The following NUBP1 variants were observed in gnomAD, a reference collection of about 807,000 sequenced individuals.
NUBP1 encodes cytosolic Fe-S cluster assembly factor NUBP1.
Under a neutral mutation model 41.8 loss-of-function variants are expected in NUBP1, and 46 were observed. The ratio of observed to expected loss-of-function variants is 1.10; its 90% CI spans 0.87 to 1.41. The LOEUF is 1.41. Ranked by LOEUF, NUBP1 falls within the 40% of genes most tolerant of loss-of-function variation. The pLI, the probability that NUBP1 is intolerant of heterozygous loss-of-function variation, is 0.00. For missense variants in NUBP1, 494 were observed against 414.0 expected, an observed-to-expected ratio of 1.19 and a Z score of -1.68; for synonymous variants, 189 against 154.6, an observed-to-expected ratio of 1.22 and a Z score of -1.65.
At position 10,756,511 on chromosome 16, in the gene NUBP1, CT is replaced by C. The variant is rs35641503; in HGVS notation, c.361-167del. Among the ~76,000 whole-genome samples, 180 of 145,868 alleles carry C rather than the reference CT, an allele frequency of 1.2e-3. 1 individual carries two copies. The highest frequency in any genetic ancestry group is 2.0e-3 in the African/African-American group (81 of 40,102). On this transcript the variant is annotated intron_variant, in intron 5 of 10. Transcript: ENST00000283027. Reference sequence around the variant, plus strand: ...CTTTCAAATCCCCCAACATGGTACCCTTTTTTTTTTTTCCAAAAATGATTTA... The same window carrying C: ...CTTTCAAATCCCCCAACATGGTACCCTTTTTTTTTTTCCAAAAATGATTTA...
At chr16:10,763,353 G>C (rs548417649) in intron 9 of NUBP1, among the ~76,000 whole-genome samples, 80 of 152,202 alleles carry the variant, frequency 5.3e-4, no homozygotes, top group African/African-American at 1.6e-3. Flanking sequence ...GAAGTGGTAG[G>C]GGGGTAGGGT....
At chr16:10,763,095 A>T (rs1466417115) in intron 9 of NUBP1, among the ~76,000 whole-genome samples, 3 of 151,862 alleles carry the variant, frequency 2.0e-5, no homozygotes, top group African/African-American at 7.3e-5. Context: ...AGTACAAGTC[A>T]CCTGGAGGAG....
chr16:10,755,837 GTATT>G (rs1357490990), intron 5 of NUBP1, 84 bp downstream of exon 5: 2 of 1,281,180 alleles, frequency 1.6e-6, no homozygotes, highest in African/African-American at 1.5e-5. Flanking sequence ...TGGTCCATAG[GTATT>G]TATTAGGGTA....
chr16:10,768,111 C>T lies in NUBP1; in HGVS notation c.904+79C>T. 7.2e-7 allele frequency: 1 copy of T among 1,385,922 alleles called. No individual in the cohort carries two copies. Among genetic ancestry groups the T allele is most frequent in the East Asian group, 2.3e-5 (1 of 43,586 alleles). 85.9% of individuals were successfully genotyped at this position (1,385,922 alleles called of 1,614,324 possible). A position where few individuals can be genotyped will look rare whatever the true frequency, so the allele number is the denominator to read the frequency against. ...TAAAGGAGCCAGGGGTGTGGAAGGA[C>T]AGGTGGGTGGTGGGGTCTGTGATGA... On this transcript the variant is annotated intron_variant, in intron 10 of 10. Coordinates refer to ENST00000283027, the MANE Select transcript of NUBP1 (RefSeq NM_002484.4). This position sits in a 1 kb window ranked among gnomAD's most constrained non-coding sequence, Gnocchi z 4.3.
Position 10,766,875 on chromosome 16 carries a change from G to C in NUBP1, c.821-1074G>C, listed in dbSNP as rs1248132436. 2.5e-6 allele frequency: 1 copy of C among 398,382 alleles called. No homozygotes were observed. The highest frequency in any genetic ancestry group is 2.1e-5 in the African/African-American group (1 of 48,616). The allele number at this position is 398,382 out of a possible 1,614,324, so 24.7% of individuals were successfully genotyped here. ...ATTTACGGCATACGTCCTATGGAGAGGACATTTCCTGTTATGGCTCAAGTG... is the reference window on the plus strand; with the variant it reads ...ATTTACGGCATACGTCCTATGGAGACGACATTTCCTGTTATGGCTCAAGTG... On this transcript the variant is annotated intron_variant, in intron 9 of 10. Coordinates refer to ENST00000283027, the MANE Select transcript of NUBP1 (RefSeq NM_002484.4). The surrounding 1 kb of genome is among the most constrained non-coding windows in gnomAD (Gnocchi z 4.8).
At chr16:10,751,917 C>G (rs1789176882) in intron 3 of NUBP1, among the ~76,000 whole-genome samples, 1 of 152,174 alleles carries the variant, frequency 6.6e-6, no homozygotes, top group South Asian at 2.1e-4. Context: ...GTTTATGTCC[C>G]AGCTCTGTTC....
Position 10,768,561 on chromosome 16 carries a change from C to T in NUBP1, c.905-486C>T, listed in dbSNP as rs576873261. On this transcript the variant is annotated intron_variant, in intron 10 of 10. Transcript: ENST00000283027. The surrounding 1 kb of genome is among the most constrained non-coding windows in gnomAD (Gnocchi z 4.3). Reference sequence around the variant, plus strand: ...GGCGGAGGCTGCAGTAAGGCGAGATCGCGCCACTGCACTCCAGCCTGGGCA... The same window carrying T: ...GGCGGAGGCTGCAGTAAGGCGAGATTGCGCCACTGCACTCCAGCCTGGGCA... The T allele has an allele frequency of 3.2e-5, 5 of 157,044 alleles. No individual in the cohort carries two copies. Among genetic ancestry groups the T allele is most frequent in the Non-Finnish European group, 5.6e-5 (4 of 71,400 alleles). 9.7% of individuals were successfully genotyped at this position (157,044 alleles called of 1,614,324 possible).
chr16:10,768,945 G>T lies in NUBP1; in HGVS notation c.905-102G>T. ...AGGTCTTTTTATGGAACTAGCCAGAGGATTCCACCCCTGTCAAAACACAGC... is the reference window on the plus strand; with the variant it reads ...AGGTCTTTTTATGGAACTAGCCAGATGATTCCACCCCTGTCAAAACACAGC... On this transcript the variant is annotated intron_variant, in intron 10 of 10. Transcript: ENST00000283027. The surrounding 1 kb of genome is among the most constrained non-coding windows in gnomAD (Gnocchi z 4.3). 1 of 1,012,710 alleles carries T rather than the reference G, an allele frequency of 9.9e-7. No homozygotes were observed. Among genetic ancestry groups the T allele is most frequent in the South Asian group, 1.4e-5 (1 of 72,720 alleles). The allele number at this position is 1,012,710 out of a possible 1,614,324, so 62.7% of individuals were successfully genotyped here.
chr16:10,753,803 A>C (rs770257472), intron 4 of NUBP1, among the ~76,000 whole-genome samples: 20 of 152,166 alleles, frequency 1.3e-4, no homozygotes, highest in Admixed American at 3.3e-4. Flanking sequence ...AGCTGGGGGA[A>C]GGGCATTCTG....
intron 9 of NUBP1, among the ~76,000 whole-genome samples, chr16:10,762,598 G>A (rs1368223823): frequency 6.6e-6 from 1 of 152,242 alleles, no homozygotes; most frequent in Non-Finnish European, 1.5e-5. Context: ...GGCTCCTGCG[G>A]GGCGTCCAGC....
In NUBP1 at chr16:10,757,975, G is replaced by A. The variant is rs765822299; in HGVS notation, c.554G>A (p.Arg185Gln). The A allele has an allele frequency of 8.1e-6, 13 of 1,613,910 alleles. No homozygotes were observed. The Admixed American group carries it at 1.0e-4, about 12-fold the overall frequency. The change falls in exon 7 of 11, where the codon CGG becomes CAG. Residue 185 changes from arginine to glutamine, a missense_variant. By Grantham distance (43) the Arg-to-Gln change is conservative. Coordinates refer to ENST00000283027, the MANE Select transcript of NUBP1 (RefSeq NM_002484.4). This position sits in a 1 kb window ranked among gnomAD's most constrained non-coding sequence, Gnocchi z 4.1. ...TCGGATGAACACCTCTCGGTCGTCC[G>A]GTACCTGGCCACAGCACACATCGAT... is the stretch of plus-strand genomic sequence containing the variant. ...GTSDEHLSVV[R>Q]YLATAHIDGA...
Position 10,766,862 on chromosome 16 carries a change from C to A in NUBP1, c.821-1087C>A. 2.5e-6 allele frequency: 1 copy of A among 398,408 alleles called. No homozygotes were observed. Among genetic ancestry groups the A allele is most frequent in the Non-Finnish European group, 4.4e-6 (1 of 226,074 alleles). The allele number at this position is 398,408 out of a possible 1,614,324, so 24.7% of individuals were successfully genotyped here. A position where few individuals can be genotyped will look rare whatever the true frequency, so the allele number is the denominator to read the frequency against. On this transcript the variant is annotated intron_variant, in intron 9 of 10. Coordinates refer to ENST00000283027, the MANE Select transcript of NUBP1 (RefSeq NM_002484.4). This position sits in a 1 kb window ranked among gnomAD's most constrained non-coding sequence, Gnocchi z 4.8. ...AAGTTACAAAGTCATTTACGGCATA[C>A]GTCCTATGGAGAGGACATTTCCTGT...
At position 10,756,689 on chromosome 16, in the gene NUBP1, G is replaced by T. The variant is rs761269423; in HGVS notation, c.361-1G>T. 1 of 1,562,876 alleles carries T rather than the reference G, an allele frequency of 6.4e-7. No homozygotes were observed. Among genetic ancestry groups the T allele is most frequent in the East Asian group, 2.5e-5 (1 of 40,220 alleles). The stretch of plus-strand genomic sequence containing the variant: ...TTGCCCTCACCCTGTTCCCTCTGCA[G>T]TACGTGGAAGACAACCTGGGGGTGA... On this transcript the variant is annotated splice_acceptor_variant, in intron 5 of 10. Transcript: ENST00000283027. LOFTEE classifies it high-confidence loss of function.
chr16:10,767,206 T>A lies in NUBP1; in HGVS notation c.821-743T>A, dbSNP rs1053297571. On this transcript the variant is annotated intron_variant, in intron 9 of 10. Transcript: ENST00000283027. This position sits in a 1 kb window ranked among gnomAD's most constrained non-coding sequence, Gnocchi z 4.6. ...GGCAGGTCCACCCACGACTGGGGGCTGGCAGGGCAGACTGGAGGCGAGAAC... is the reference window on the plus strand; with the variant it reads ...GGCAGGTCCACCCACGACTGGGGGCAGGCAGGGCAGACTGGAGGCGAGAAC... The A allele has an allele frequency of 5.0e-6, 2 of 399,768 alleles. No homozygotes were observed. The highest frequency in any genetic ancestry group is 2.1e-5 in the African/African-American group (1 of 48,658). The allele number at this position is 399,768 out of a possible 1,614,324, so 24.8% of individuals were successfully genotyped here.
chr16:10,744,923 A>G (rs1201737313), intron 2 of NUBP1, among the ~76,000 whole-genome samples: 1 of 151,614 alleles, frequency 6.6e-6, no homozygotes, highest in Non-Finnish European at 1.5e-5. Context: ...ACGGCTGGCT[A>G]ATTTTTATAT....
At position 10,767,965 on chromosome 16, in the gene NUBP1, A is replaced by T. The variant is rs2031146189; in HGVS notation, c.837A>T (p.Lys279Asn). 6.2e-7 allele frequency: 1 copy of T among 1,614,154 alleles called. No individual in the cohort carries two copies. Among genetic ancestry groups the T allele is most frequent in the Non-Finnish European group, 8.5e-7 (1 of 1,180,018 alleles). ...TTTTTTAAGGTAAGAATTGTGACAA[A>T]GGCCAGTCTTTTTTCATTGACGCCC... ...LDPLIGKNCD[K>N]GQSFFIDAPD... The change falls in exon 10 of 11, where the codon AAA becomes AAT. Residue 279 changes from lysine to asparagine, a missense_variant. Physicochemically the swap from Lys to Asn is moderately conservative, Grantham distance 94 (BLOSUM62 0). Coordinates refer to ENST00000283027, the MANE Select transcript of NUBP1 (RefSeq NM_002484.4). This position sits in a 1 kb window ranked among gnomAD's most constrained non-coding sequence, Gnocchi z 4.6.
rs548150546 is a variant in NUBP1, at chr16:10,768,206, G to T, written c.904+174G>T. ...AAATCTCTCAATGTGTGAGTATTGT[G>T]AATTAATTCATAGTTTAAAAAACAT... On this transcript the variant is annotated intron_variant, in intron 10 of 10. Transcript: ENST00000283027. The surrounding 1 kb of genome is among the most constrained non-coding windows in gnomAD (Gnocchi z 4.3). The T allele has an allele frequency of 6.3e-6, 3 of 479,480 alleles. No homozygotes were observed. In the South Asian group the frequency reaches 9.6e-5, roughly 15 times the overall value. 29.7% of individuals were successfully genotyped at this position (479,480 alleles called of 1,614,324 possible). A position where few individuals can be genotyped will look rare whatever the true frequency, so the allele number is the denominator to read the frequency against.
Position 10,766,762 on chromosome 16 carries a change from G to T in NUBP1, c.821-1187G>T, listed in dbSNP as rs144218218. On this transcript the variant is annotated intron_variant, in intron 9 of 10. Transcript: ENST00000283027. This position sits in a 1 kb window ranked among gnomAD's most constrained non-coding sequence, Gnocchi z 4.8. ...CGGGCCTGAGAATAGGGGCTCAAAGGCCCCATTACAGAGTTTTTGTGTTTA... is the reference window on the plus strand; with the variant it reads ...CGGGCCTGAGAATAGGGGCTCAAAGTCCCCATTACAGAGTTTTTGTGTTTA... The T allele has an allele frequency of 1.5e-3, 592 of 396,274 alleles. 1 individual carries two copies. The highest frequency in any genetic ancestry group is 2.9e-3 in the Admixed American group (65 of 22,664). 24.5% of individuals were successfully genotyped at this position (396,274 alleles called of 1,614,324 possible).
intron 4 of NUBP1, among the ~76,000 whole-genome samples, chr16:10,752,911 C>T (rs1174163869): frequency 2.0e-5 from 3 of 152,214 alleles, no homozygotes; most frequent in South Asian, 2.1e-4. Flanking sequence ...TTCTTGTGCT[C>T]AGCCTCCTGA....
Sources: gnomAD v4.1 joint callset for allele counts (sites outside exome capture counted in the v4.1 genomes callset) on GRCh38, gnomAD v4.1.1 for gene constraint, Gnocchi (gnomAD v3.1) non-coding constraint, MANE v1.5 for transcripts, NCBI Gene and HGNC (gene_info 2026-07-23, HGNC 2026-07-21) for gene names.